SLC24A2: variants seen among roughly 807,000 people sequenced by gnomAD.
The protein encoded by SLC24A2 is solute carrier family 24 member 2.
A neutral mutation model predicts 62.0 loss-of-function variants in SLC24A2; 36 were observed. That is an observed-to-expected ratio of 0.58 (90% CI 0.44 to 0.77). SLC24A2 has a LOEUF of 0.77. Among genes scored for constraint, SLC24A2 ranks in the 30% least tolerant of loss-of-function variants. The pLI is 0.00. For synonymous variants in SLC24A2, 358 were observed against 294.0 expected (o/e 1.22, Z -2.23); for missense variants, 846 against 817.9 (o/e 1.03, Z -0.42).
chr9:20,019,095 A>AAGAAAGAC, the SLC24A2 span, among the ~76,000 whole-genome samples: 1 of 44,356 alleles, frequency 2.3e-5, no homozygotes, highest in East Asian at 1.2e-3. Context: ...GAAAGAAAGA[A>AAGAAAGAC]AGAAAGATAG....
rs138403789 is a variant in SLC24A2 at position 19,564,457 on chromosome 9, A to G, written c.1347+8894T>C. On this transcript the variant is annotated intron_variant, in intron 7 of 10. Transcript: ENST00000341998. ...CTTAATATGGCAAGGTAATATTTGA[A>G]TTGTAAAGTAAGAATAAAATCACTT... 9.0e-3 allele frequency among the ~76,000 whole-genome samples: 1,364 copies of G among 152,328 alleles called. 30 individuals are homozygous for G. Among genetic ancestry groups the G allele is most frequent in the Admixed American group, 0.051 (780 of 15,300 alleles).
At chr9:20,287,247 A>G in the SLC24A2 span, among the ~76,000 whole-genome samples, 1 of 152,214 alleles carries the variant, frequency 6.6e-6, no homozygotes, top group Non-Finnish European at 1.5e-5. Context: ...TTCTTGCAGG[A>G]CCTGGTCCTC....
At chr9:20,284,625 A>T in the SLC24A2 span, among the ~76,000 whole-genome samples, 2 of 152,096 alleles carry the variant, frequency 1.3e-5, no homozygotes, top group African/African-American at 4.8e-5. Context: ...AGATTTTTTT[A>T]AAGAGAATAA....
At chr9:19,523,472 G>C (rs1833292145) in intron 9 of SLC24A2, among the ~76,000 whole-genome samples, 1 of 151,752 alleles carries the variant, frequency 6.6e-6, no homozygotes, top group Non-Finnish European at 1.5e-5. Flanking sequence ...AACTTAATAT[G>C]TTTTTTTTGA....
chr9:19,823,925 G>A, the SLC24A2 span, among the ~76,000 whole-genome samples: 1 of 152,158 alleles, frequency 6.6e-6, no homozygotes, highest in African/African-American at 2.4e-5. Context: ...ATGGGGAAAT[G>A]ATTCCCTATT....
At chr9:19,752,226 C>G (rs554668461) in intron 2 of SLC24A2, among the ~76,000 whole-genome samples, 10 of 152,070 alleles carry the variant, frequency 6.6e-5, no homozygotes, top group African/African-American at 1.2e-4. Context: ...CTAGGTAGAA[C>G]AGGGATTTTT....
At chr9:19,535,785 T>A (rs1446403248) in intron 8 of SLC24A2, among the ~76,000 whole-genome samples, 7 of 152,172 alleles carry the variant, frequency 4.6e-5, no homozygotes, top group Admixed American at 4.6e-4. Flanking sequence ...GTGTGATGCC[T>A]CCAGCTTTGT....
the SLC24A2 span, among the ~76,000 whole-genome samples, chr9:20,026,658 C>T: frequency 1.3e-5 from 2 of 151,918 alleles, no homozygotes; most frequent in East Asian, 1.9e-4. Flanking sequence ...TTATTCTTAA[C>T]ATATTAAAAA....
chr9:20,118,801 G>C, the SLC24A2 span, among the ~76,000 whole-genome samples: 1 of 152,140 alleles, frequency 6.6e-6, no homozygotes, highest in African/African-American at 2.4e-5. Context: ...ACAAGTATAG[G>C]GTAGTCTTGC....
At chr9:19,705,572 C>A (rs913468206) in intron 2 of SLC24A2, 3 of 230,504 alleles carry the variant, frequency 1.3e-5, no homozygotes, top group East Asian at 1.1e-4. Flanking sequence ...GGAAGCCCCC[C>A]AAAACTAGCC....
intron 7 of SLC24A2, among the ~76,000 whole-genome samples, chr9:19,567,677 T>C (rs1160478094): frequency 7.4e-6 from 1 of 135,978 alleles, no homozygotes; most frequent in Non-Finnish European, 1.5e-5. Flanking sequence ...TGCTAGTAAA[T>C]TTTTAAAATA....
chr9:19,666,482 G>A (rs1438375730), intron 2 of SLC24A2, among the ~76,000 whole-genome samples: 4 of 152,286 alleles, frequency 2.6e-5, no homozygotes, highest in African/African-American at 9.6e-5. Context: ...AGAAGTGTAG[G>A]GAAACTGTGG....
chr9:20,116,644 G>A, the SLC24A2 span, among the ~76,000 whole-genome samples: 4,160 of 152,182 alleles, frequency 0.027, 88 homozygotes, highest in Middle Eastern at 0.088. Context: ...TCATGTCTAG[G>A]ATGTATTAAT....
chr9:19,694,995 G>A (rs868115676), intron 2 of SLC24A2, among the ~76,000 whole-genome samples: 27 of 148,036 alleles, frequency 1.8e-4, no homozygotes, highest in Admixed American at 6.1e-4. Flanking sequence ...AGAGAAGGCC[G>A]TTGGGGATTT....
At chr9:20,174,591 T>C in the SLC24A2 span, among the ~76,000 whole-genome samples, 1 of 151,462 alleles carries the variant, frequency 6.6e-6, no homozygotes, top group Admixed American at 6.6e-5. Context: ...GCAAAGAACA[T>C]ATGAAAAAAT....
the SLC24A2 span, among the ~76,000 whole-genome samples, chr9:20,046,882 CTTCT>C: frequency 2.1e-4 from 32 of 152,026 alleles, 1 homozygote; most frequent in Non-Finnish European, 5.9e-5. Flanking sequence ...CCAGGTACTG[CTTCT>C]TTCTATCTAC....
the SLC24A2 span, among the ~76,000 whole-genome samples, chr9:19,956,537 G>A: frequency 3.9e-5 from 6 of 152,264 alleles, no homozygotes; most frequent in African/African-American, 1.4e-4. Flanking sequence ...ACAGTTCCAC[G>A]TGGCTGGGGA....
At chr9:19,851,871 A>T in the SLC24A2 span, among the ~76,000 whole-genome samples, 1 of 152,036 alleles carries the variant, frequency 6.6e-6, no homozygotes, top group Non-Finnish European at 1.5e-5. Flanking sequence ...GGGTCAAATG[A>T]TATTTCTGGT....
the SLC24A2 span, among the ~76,000 whole-genome samples, chr9:20,039,963 G>T: frequency 6.6e-6 from 1 of 152,214 alleles, no homozygotes; most frequent in Non-Finnish European, 1.5e-5. Flanking sequence ...GTATGGTCAA[G>T]TCTCATCTTT....
Sources: gnomAD v4.1 joint callset for allele counts (sites outside exome capture counted in the v4.1 genomes callset) on GRCh38, gnomAD v4.1.1 for gene constraint, MANE v1.5 for transcripts, NCBI Gene and HGNC (gene_info 2026-07-23, HGNC 2026-07-21) for gene names.